The following NLRC4 variants were observed in gnomAD, a reference collection of about 807,000 sequenced individuals.
NLRC4 encodes the protein NLR family CARD domain-containing protein 4.
In NLRC4, 63 loss-of-function variants were observed where a neutral mutation model predicts 79.9. That is an observed-to-expected ratio of 0.79 (90% CI 0.64 to 0.97). The LOEUF (loss-of-function observed/expected upper bound fraction) is 0.97, where lower values mean the gene tolerates loss of function less well. NLRC4 is among the 50% of genes least tolerant of loss of function. The pLI, the probability that NLRC4 is intolerant of heterozygous loss-of-function variation, is 0.00. For synonymous variants in NLRC4, 461 were observed against 456.5 expected (o/e 1.01, Z -0.12); for missense variants, 1,074 against 1,215.2 (o/e 0.88, Z 1.73).
chr2:32,228,175 A>G (rs909989987), intron 8 of NLRC4, among the ~76,000 whole-genome samples: 2 of 152,182 alleles, frequency 1.3e-5, no homozygotes, highest in Admixed American at 6.5e-5. Flanking sequence ...AAGTAATTAG[A>G]TGGGTGGTGG....
intron 5 of NLRC4, among the ~76,000 whole-genome samples, chr2:32,239,561 A>G (rs983752967): frequency 9.8e-5 from 15 of 152,326 alleles, no homozygotes; most frequent in Admixed American, 2.6e-4. Flanking sequence ...CATTATATCT[A>G]TGTACTAGGA....
chr2:32,231,071 C>A (rs1686521443), intron 8 of NLRC4, among the ~76,000 whole-genome samples: 1 of 152,172 alleles, frequency 6.6e-6, no homozygotes, highest in Non-Finnish European at 1.5e-5. Flanking sequence ...ATTTACATAT[C>A]TTCCTTGGTG....
chr2:32,228,662 A>G (rs1043131137), intron 8 of NLRC4, among the ~76,000 whole-genome samples: 1 of 152,154 alleles, frequency 6.6e-6, no homozygotes, highest in Non-Finnish European at 1.5e-5. Context: ...GATGCTAAGA[A>G]AGAGCTTTTG....
Position 32,242,835 on chromosome 2 carries a change from C to A in NLRC4, c.2258-1710G>T, listed in dbSNP as rs78066528. On this transcript the variant is annotated intron_variant, in intron 4 of 8. Transcript: ENST00000402280. Reference sequence around the variant, plus strand: ...GCAGAGGTAGGAGGATCACTTGAGGCCAGGAGTTTGAGACCAGCCTGGGCA... The same window carrying A: ...GCAGAGGTAGGAGGATCACTTGAGGACAGGAGTTTGAGACCAGCCTGGGCA... Among the ~76,000 whole-genome samples the A allele has an allele frequency of 1.2e-4, 19 of 152,160 alleles. No individual in the cohort carries two copies. The East Asian group carries it at 3.7e-3, about 29-fold the overall frequency.
intron 8 of NLRC4, among the ~76,000 whole-genome samples, chr2:32,231,372 G>A (rs1233084787): frequency 2.0e-5 from 3 of 150,998 alleles, no homozygotes; most frequent in African/African-American, 7.3e-5. Flanking sequence ...GGCCAGGCTG[G>A]TCTCGAACTC....
At chr2:32,235,169 T>C (rs1053753147) in intron 8 of NLRC4, among the ~76,000 whole-genome samples, 3 of 152,204 alleles carry the variant, frequency 2.0e-5, no homozygotes, top group African/African-American at 7.2e-5. Flanking sequence ...ATACATCTTG[T>C]TGGATACTGT....
intron 2 of NLRC4, among the ~76,000 whole-genome samples, chr2:32,255,253 G>C (rs1021504574): frequency 3.1e-4 from 47 of 152,228 alleles, no homozygotes; most frequent in African/African-American, 1.1e-3. Flanking sequence ...GGGCGCAGTG[G>C]CTCACACCTG....
Position 32,251,264 on chromosome 2 carries a change from G to A in NLRC4, c.600C>T (p.Val200=), listed in dbSNP as rs759873372. ...GGGCCCTGCTGAGACGGAGGAAGAA[G>A]ACGAATTTGAACTTGGTCAGAGCCT... The part of the protein sequence containing the change: ...KCKALTKFKF[V]FFLRLSRAQG... The change falls in exon 4 of 9, where the codon GTC becomes GTT. Residue 200 remains valine (V), a synonymous_variant. Coordinates refer to ENST00000402280, the MANE Select transcript of NLRC4 (RefSeq NM_001199138.2). 6.2e-7 allele frequency: 1 copy of A among 1,614,188 alleles called. No homozygotes were observed. The highest frequency in any genetic ancestry group is 1.1e-5 in the South Asian group (1 of 91,084).
In NLRC4 at chr2:32,250,218, A is replaced by G. The variant is rs1687037531; in HGVS notation, c.1646T>C (p.Ile549Thr). 1 of 1,614,188 alleles carries G rather than the reference A, an allele frequency of 6.2e-7. No homozygotes were observed. Among genetic ancestry groups the G allele is most frequent in the Non-Finnish European group, 8.5e-7 (1 of 1,180,040 alleles). The change falls in exon 4 of 9, where the codon ATA (isoleucine) becomes ACA (threonine). Residue 549 changes from isoleucine (I) to threonine (T), a missense_variant. Physicochemically the swap from Ile to Thr is moderately conservative, Grantham distance 89. Transcript: ENST00000402280. This position sits in a 1 kb window ranked among gnomAD's most constrained non-coding sequence, Gnocchi z 4.9. Reference sequence around the variant, plus strand: ...ACACTCTACAAAGGAATTGATGTTTATGGCTTTCAGAATTTCTTGCTCAGT... The same window carrying G: ...ACACTCTACAAAGGAATTGATGTTTGTGGCTTTCAGAATTTCTTGCTCAGT... ...NTTEQEILKA[I>T]NINSFVECGI...
At position 32,261,316 on chromosome 2, in the gene NLRC4, C is replaced by CCCTTTTT; in HGVS notation, c.-119+3421_-119+3422insAAAAAGG. 2.0e-4 allele frequency among the ~76,000 whole-genome samples: 19 copies of CCCTTTTT among 96,920 alleles called. 1 individual carries two copies. The highest frequency in any genetic ancestry group is 2.3e-4 in the Non-Finnish European group (11 of 48,104). 63.6% of individuals were successfully genotyped at this position (96,920 alleles called of 152,430 possible). ...TTCTTTCGCCTATTAAGCCTCCCCC[C>CCCTTTTT]TTTTGTTTTTTTTTGAGATGGAGCC... is the stretch of plus-strand genomic sequence containing the variant. On this transcript the variant is annotated intron_variant, in intron 1 of 8. Transcript: ENST00000402280.
At chr2:32,264,047 C>G (rs763725495) in intron 1 of NLRC4, among the ~76,000 whole-genome samples, 1 of 152,160 alleles carries the variant, frequency 6.6e-6, no homozygotes, top group African/African-American at 2.4e-5. Flanking sequence ...TCAGGTTTCT[C>G]ATCAGTAACT....
At chr2:32,239,399 A>G (rs1282288124) in intron 5 of NLRC4, among the ~76,000 whole-genome samples, 4 of 152,256 alleles carry the variant, frequency 2.6e-5, no homozygotes, top group Non-Finnish European at 5.9e-5. Context: ...CCTGGCACAT[A>G]GTAAGTGCTC....
chr2:32,265,006 G>A (rs1326226089), upstream of NLRC4: 3 of 151,894 alleles, frequency 2.0e-5, no homozygotes, highest in African/African-American at 7.3e-5. Context: ...CGGGGAAGAA[G>A]TAGAACTTCA....
Position 32,250,763 on chromosome 2 carries a change from A to C in NLRC4, c.1101T>G (p.Tyr367Ter). 1 of 1,614,194 alleles carries C rather than the reference A, an allele frequency of 6.2e-7. No individual in the cohort carries two copies. The highest frequency in any genetic ancestry group is 8.5e-7 in the Non-Finnish European group (1 of 1,180,014). ...HTQTTLFHTF[Y>*]DLLIQKNKHK... ...GTTTGTTTTTCTGTATCAACAGATC[A>C]TAGAAGGTATGGAACAGCGTTGTTT... The change falls in exon 4 of 9, where the codon TAT (tyrosine) becomes TAG (stop). Residue 367 changes from tyrosine to a stop codon, truncating the protein, a stop_gained. Coordinates refer to ENST00000402280, the MANE Select transcript of NLRC4 (RefSeq NM_001199138.2). LOFTEE classifies it high-confidence loss of function. The surrounding 1 kb of genome is among the most constrained non-coding windows in gnomAD (Gnocchi z 4.9).
At chr2:32,239,939 C>T (rs530764434) in intron 5 of NLRC4, among the ~76,000 whole-genome samples, 6 of 152,076 alleles carry the variant, frequency 3.9e-5, no homozygotes, top group South Asian at 2.1e-4. Context: ...ATTATTCTCA[C>T]GTAGGACATA....
chr2:32,238,204 T>C lies in NLRC4; in HGVS notation c.2449A>G (p.Ser817Gly), dbSNP rs755782497. 6 of 1,613,946 alleles carry C rather than the reference T, an allele frequency of 3.7e-6. No individual in the cohort carries two copies. Among genetic ancestry groups the C allele is most frequent in the Non-Finnish European group, 5.1e-6 (6 of 1,179,842 alleles). Residue 817 changes from serine to glycine, a missense_variant, in exon 6 of 9, where the codon AGT becomes GGT. Physicochemically the swap from Ser to Gly is moderately conservative, Grantham distance 56. Coordinates refer to ENST00000402280, the MANE Select transcript of NLRC4 (RefSeq NM_001199138.2). ...GMDYIVKSLSSEPCDLEEIQL... is the reference protein window; with the variant it reads ...GMDYIVKSLSGEPCDLEEIQL... ...ATTTCTTCAAGGTCACAGGGTTCACTTGACAGAGACTTGACTATGTAATCC... is the reference window on the plus strand; with the variant it reads ...ATTTCTTCAAGGTCACAGGGTTCACCTGACAGAGACTTGACTATGTAATCC...
chr2:32,238,125 C>T lies in NLRC4; in HGVS notation c.2521+7G>A. On this transcript the variant is annotated splice_region_variant and intron_variant, in intron 6 of 8. Transcript: ENST00000402280. ...GTCCTCATTCAGTTAATGGAAGCAA[C>T]AGTTACCTAGGATTTTCACTGCATT... 2 of 1,610,926 alleles carry T rather than the reference C, an allele frequency of 1.2e-6. No homozygotes were observed. Among genetic ancestry groups the T allele is most frequent in the Non-Finnish European group, 1.7e-6 (2 of 1,178,142 alleles).
At chr2:32,252,143 C>A (rs948149313) in intron 3 of NLRC4, among the ~76,000 whole-genome samples, 2 of 152,320 alleles carry the variant, frequency 1.3e-5, no homozygotes, top group East Asian at 3.8e-4. Flanking sequence ...GCACTGGAAG[C>A]TTAACTAGTG....
chr2:32,232,339 A>G (rs1307342902), intron 8 of NLRC4, among the ~76,000 whole-genome samples: 1 of 152,184 alleles, frequency 6.6e-6, no homozygotes, highest in Non-Finnish European at 1.5e-5. Context: ...ATGAACTTGT[A>G]TTTATCTCCC....
Sources: gnomAD v4.1 joint callset for allele counts (sites outside exome capture counted in the v4.1 genomes callset) on GRCh38, gnomAD v4.1.1 for gene constraint, Gnocchi (gnomAD v3.1) non-coding constraint, MANE v1.5 for transcripts, NCBI Gene and HGNC (gene_info 2026-07-23, HGNC 2026-07-21) for gene names.